HDAC4: variants seen among roughly 807,000 people sequenced by gnomAD.
The protein encoded by HDAC4 is histone deacetylase 4.
A neutral mutation model predicts 135.1 loss-of-function variants in HDAC4; 16 were observed. The observed-to-expected ratio is 0.12, with a 90% confidence interval of 0.08 to 0.18. The LOEUF (loss-of-function observed/expected upper bound fraction) is 0.18. Ranked by LOEUF, HDAC4 falls within the 10% of genes least tolerant of loss-of-function variation. The pLI, the probability that HDAC4 is intolerant of heterozygous loss-of-function variation, is 1.00. For synonymous variants in HDAC4, 685 were observed against 653.4 expected, an observed-to-expected ratio of 1.05 and a Z score of -0.74; for missense variants, 1,143 against 1,511.8, an observed-to-expected ratio of 0.76 and a Z score of 4.05.
In HDAC4 at chr2:239,064,974, C is replaced by T. The variant is rs1004550563; in HGVS notation, c.3003+1748G>A. 3.9e-4 allele frequency among the ~76,000 whole-genome samples: 60 copies of T among 152,236 alleles called. 1 individual carries two copies. Among genetic ancestry groups the T allele is most frequent in the Non-Finnish European group, 1.8e-4 (12 of 68,040 alleles). On this transcript the variant is annotated intron_variant, in intron 24 of 26. Transcript: ENST00000543185. ...AACGATGCCTGCACACCAGACCCCGCGAGCGCCGTGCTTAACTACAGGGGT... is the reference window on the plus strand; with the variant it reads ...AACGATGCCTGCACACCAGACCCCGTGAGCGCCGTGCTTAACTACAGGGGT...
chr2:239,272,153 T>C (rs1037804352), intron 2 of HDAC4, among the ~76,000 whole-genome samples: 1 of 152,194 alleles, frequency 6.6e-6, no homozygotes, highest in Non-Finnish European at 1.5e-5. Context: ...AATCTGCCTC[T>C]CTCCTAACAG....
chr2:239,277,546 G>A (rs1329791573), intron 2 of HDAC4, among the ~76,000 whole-genome samples: 6 of 152,168 alleles, frequency 3.9e-5, no homozygotes, highest in African/African-American at 4.8e-5. Context: ...TCTGTACTCC[G>A]GAGCAGGAAC....
rs890221678 is a variant in HDAC4 at position 239,308,545 on chromosome 2, T to C, written c.22+44133A>G. ...TCGTTGGTGGAATACATAACCTCCATCCACAGCCAGATACTGCTTCCGGAA... is the reference window on the plus strand; with the variant it reads ...TCGTTGGTGGAATACATAACCTCCACCCACAGCCAGATACTGCTTCCGGAA... On this transcript the variant is annotated intron_variant, in intron 2 of 26. Transcript: ENST00000543185. The surrounding 1 kb of genome is among the most constrained non-coding windows in gnomAD (Gnocchi z 4.2). Among the ~76,000 whole-genome samples the C allele has an allele frequency of 2.0e-5, 3 of 152,144 alleles. No homozygotes were observed. Among genetic ancestry groups the C allele is most frequent in the African/African-American group, 7.2e-5 (3 of 41,434 alleles).
intron 13 of HDAC4, 89 bp downstream of exon 13, chr2:239,114,964 G>A: frequency 3.4e-6 from 5 of 1,492,422 alleles, no homozygotes; most frequent in East Asian, 2.3e-5. Flanking sequence ...ATGCCCTGCA[G>A]CCCCCGTGAT....
intron 14 of HDAC4, among the ~76,000 whole-genome samples, chr2:239,109,392 A>G (rs3791412): frequency 0.57 from 86,692 of 152,026 alleles, 26,490 homozygotes; most frequent in South Asian, 0.76. Flanking sequence ...TTGTGTTCCT[A>G]TTACTGGGAA....
chr2:239,247,877 T>C (rs62188573), intron 2 of HDAC4, among the ~76,000 whole-genome samples: 17,999 of 152,190 alleles, frequency 0.12, 1,188 homozygotes, highest in Non-Finnish European at 0.15. Context: ...CCACACCCTC[T>C]CCTCCTCTCA....
At chr2:239,120,348 G>A (rs890331919) in intron 12 of HDAC4, among the ~76,000 whole-genome samples, 2 of 151,424 alleles carry the variant, frequency 1.3e-5, no homozygotes, top group East Asian at 3.9e-4. Flanking sequence ...CTCACATACA[G>A]ATACATACAC....
chr2:239,117,868 T>G (rs980045894), intron 12 of HDAC4, among the ~76,000 whole-genome samples: 1 of 152,214 alleles, frequency 6.6e-6, no homozygotes, highest in Non-Finnish European at 1.5e-5. Context: ...CGCATCCGAC[T>G]GTTTCCAGAA....
intron 3 of HDAC4, among the ~76,000 whole-genome samples, chr2:239,191,559 G>A (rs3791558): frequency 0.16 from 24,584 of 152,248 alleles, 2,211 homozygotes; most frequent in East Asian, 0.28. Context: ...CTTCTCCTGA[G>A]AAAAGGGTGG....
chr2:239,335,185 T>C (rs757063349), intron 2 of HDAC4, among the ~76,000 whole-genome samples: 64 of 152,176 alleles, frequency 4.2e-4, no homozygotes, highest in Non-Finnish European at 8.5e-4. Context: ...TACACAGATA[T>C]GCAAACAGAC....
Position 239,051,180 on chromosome 2 carries a change from G to A in HDAC4, c.*1917C>T, listed in dbSNP as rs2030790316. ...ACCCTCCCTGCCCTTGCCACGGAGGGGAAAAACACACCACCCCTCGTAATA... is the reference window on the plus strand; with the variant it reads ...ACCCTCCCTGCCCTTGCCACGGAGGAGAAAAACACACCACCCCTCGTAATA... On this transcript the variant is annotated 3_prime_UTR_variant, in exon 27 of 27. Transcript: ENST00000543185. The A allele has an allele frequency of 6.6e-6, 1 of 152,546 alleles. No homozygotes were observed. The allele number at this position is 152,546 out of a possible 1,614,324, so 9.4% of individuals were successfully genotyped here.
At chr2:239,282,458 C>G (rs1161179654) in intron 2 of HDAC4, among the ~76,000 whole-genome samples, 3 of 144,838 alleles carry the variant, frequency 2.1e-5, no homozygotes, top group Non-Finnish European at 4.5e-5. Context: ...AATGTACATA[C>G]CACTCTCAAT....
intron 2 of HDAC4, among the ~76,000 whole-genome samples, chr2:239,350,335 A>G (rs1371110919): frequency 6.6e-6 from 1 of 152,178 alleles, no homozygotes; most frequent in Non-Finnish European, 1.5e-5. Context: ...AGAATATTAT[A>G]AGACTATAAT....
intron 2 of HDAC4, among the ~76,000 whole-genome samples, chr2:239,297,695 C>T (rs1466711487): frequency 6.6e-6 from 1 of 152,212 alleles, no homozygotes; most frequent in Non-Finnish European, 1.5e-5. Context: ...GATTGCACCA[C>T]GCTGTCACCA....
chr2:239,213,049 C>G (rs891848254), intron 3 of HDAC4, among the ~76,000 whole-genome samples: 1 of 152,198 alleles, frequency 6.6e-6, no homozygotes, highest in Non-Finnish European at 1.5e-5. Context: ...TCCCTGCAAT[C>G]GCCCAGGAAA....
chr2:239,069,555 G>GAGCAT (rs1465075233), intron 22 of HDAC4, among the ~76,000 whole-genome samples: 1 of 102,556 alleles, frequency 9.8e-6, no homozygotes. Context: ...GTGAGAGTGA[G>GAGCAT]TCACAGTGCA....
rs561974853 is a variant in HDAC4 at position 239,204,673 on chromosome 2, G to T, written c.95-14596C>A. Among the ~76,000 whole-genome samples the T allele has an allele frequency of 2.2e-4, 34 of 152,292 alleles. 1 individual carries two copies. In the Middle Eastern group the frequency reaches 0.02, roughly 91 times the overall value. On this transcript the variant is annotated intron_variant, in intron 3 of 26. Transcript: ENST00000543185. ...GGCTTAGGGATGGACCAGGCGTCCCGGGCCTGGCACAGAGAGTCTGCCGCT... is the reference window on the plus strand; with the variant it reads ...GGCTTAGGGATGGACCAGGCGTCCCTGGCCTGGCACAGAGAGTCTGCCGCT...
Position 239,306,425 on chromosome 2 carries a change from C to G in HDAC4, c.22+46253G>C, listed in dbSNP as rs2052586806. On this transcript the variant is annotated intron_variant, in intron 2 of 26. Transcript: ENST00000543185. The surrounding 1 kb of genome is among the most constrained non-coding windows in gnomAD (Gnocchi z 4.5). Reference sequence around the variant, plus strand: ...GGCCAGGCCCCATCCACGGATGTGTCCCTGCCCAGGTGCCAGCAAGGACTG... The same window carrying G: ...GGCCAGGCCCCATCCACGGATGTGTGCCTGCCCAGGTGCCAGCAAGGACTG... Among the ~76,000 whole-genome samples, 1 of 152,114 alleles carries G rather than the reference C, an allele frequency of 6.6e-6. No individual in the cohort carries two copies. The highest frequency in any genetic ancestry group is 1.5e-5 in the Non-Finnish European group (1 of 68,024).
intron 19 of HDAC4, among the ~76,000 whole-genome samples, chr2:239,086,530 T>C (rs2035976271): frequency 6.6e-6 from 1 of 151,900 alleles, no homozygotes; most frequent in Non-Finnish European, 1.5e-5. Context: ...GATCTGACTA[T>C]CTCTCACGTA....
Sources: allele counts gnomAD v4.1 joint callset (sites outside exome capture counted in the v4.1 genomes callset), GRCh38; gene constraint gnomAD v4.1.1; non-coding constraint Gnocchi (gnomAD v3.1); transcripts MANE v1.5; gene names NCBI Gene and HGNC (gene_info 2026-07-23, HGNC 2026-07-21).